CD2BP2: variants seen among roughly 807,000 people sequenced by gnomAD.
CD2BP2 encodes the protein CD2 antigen cytoplasmic tail-binding protein 2.
A neutral mutation model predicts 35.9 loss-of-function variants in CD2BP2; 27 were observed. The observed-to-expected ratio is 0.75, with a 90% confidence interval of 0.55 to 1.04. The LOEUF (loss-of-function observed/expected upper bound fraction) is 1.04, where lower values mean the gene tolerates loss of function less well. Among genes scored for constraint, CD2BP2 ranks in the 50% least tolerant of loss-of-function variants. The pLI, the probability that CD2BP2 is intolerant of heterozygous loss-of-function variation, is 0.00. For synonymous variants in CD2BP2, 213 were observed against 173.5 expected (o/e 1.23, Z -1.79); for missense variants, 497 against 444.3 (o/e 1.12, Z -1.07).
rs550556294 is a variant in CD2BP2, at chr16:30,355,303, G to A, written c.-118C>T. Reference sequence around the variant, plus strand: ...ACCCGGCCGCCATCACCCGGAAGAGGACTGCGGAAGGCGCCCGGGAAGCCC... The same window carrying A: ...ACCCGGCCGCCATCACCCGGAAGAGAACTGCGGAAGGCGCCCGGGAAGCCC... On this transcript the variant is annotated 5_prime_UTR_variant, in exon 1 of 7. Transcript: ENST00000305596. The A allele has an allele frequency of 1.8e-3, 268 of 152,500 alleles. 4 individuals are homozygous for A. The highest frequency in any genetic ancestry group is 2.7e-3 in the Admixed American group (41 of 15,314). The allele number at this position is 152,500 out of a possible 1,614,324, so 9.4% of individuals were successfully genotyped here.
chr16:30,354,109 G>C, intron 3 of CD2BP2, 51 bp from the exon 4 acceptor site: 1 of 1,613,026 alleles, frequency 6.2e-7, no homozygotes, highest in Non-Finnish European at 8.5e-7. Flanking sequence ...AAAGAGACCG[G>C]AGCCTCCCTC....
At position 30,353,486 on chromosome 16, in the gene CD2BP2, C is replaced by T; in HGVS notation, c.690G>A (p.Lys230=). The change falls in exon 5 of 7, where the codon AAG becomes AAA. Residue 230 remains lysine, a synonymous_variant. Coordinates refer to ENST00000305596, the MANE Select transcript of CD2BP2 (RefSeq NM_006110.3). ...GTCCTAGGGTCTGACACCCCAAACC[C>T]TTCAGACGCATAGCCAACCGTTCCC... ...ETRERLAMRL[K]GLGCQTLGPH... is the part of the protein sequence containing the mutation. 1 of 1,614,176 alleles carries T rather than the reference C, an allele frequency of 6.2e-7. No homozygotes were observed. Among genetic ancestry groups the T allele is most frequent in the South Asian group, 1.1e-5 (1 of 91,088 alleles).
At position 30,354,629 on chromosome 16, in the gene CD2BP2, T is replaced by A; in HGVS notation, c.53A>T (p.Asp18Val). ...FQGVGDEEDE[D>V]EIIVPKKKLV... is the part of the protein sequence containing the mutation. Reference sequence around the variant, plus strand: ...CTTCTTCTTGGGGACAATGATTTCATCCTCATCCTCCTCATCTCCCACGCC... The same window carrying A: ...CTTCTTCTTGGGGACAATGATTTCAACCTCATCCTCCTCATCTCCCACGCC... The change falls in exon 2 of 7, where the codon GAT becomes GTT. Residue 18 changes from aspartate to valine, a missense_variant. Asp to Val is a radical substitution (Grantham distance 152). Transcript: ENST00000305596. 6.2e-7 allele frequency: 1 copy of A among 1,613,926 alleles called. No homozygotes were observed. The highest frequency in any genetic ancestry group is 8.5e-7 in the Non-Finnish European group (1 of 1,179,970).
rs774687483 is a variant in CD2BP2, at chr16:30,353,384, G to A, written c.792C>T (p.Thr264=). Reference sequence around the variant, plus strand: ...CAAGCTCACCTCCTCTCTGGGTAGGGGTTGGGGTCTCCAGTTCCTCCTCCG... The same window carrying A: ...CAAGCTCACCTCCTCTCTGGGTAGGAGTTGGGGTCTCCAGTTCCTCCTCCG... ...ELAEEELETP[T]PTQRGEAESR... The change falls in exon 5 of 7, where the codon ACC becomes ACT. Residue 264 remains threonine, a synonymous_variant. Transcript: ENST00000305596. 4 of 1,614,062 alleles carry A rather than the reference G, an allele frequency of 2.5e-6. No individual in the cohort carries two copies. Among genetic ancestry groups the A allele is most frequent in the Non-Finnish European group, 3.4e-6 (4 of 1,179,946 alleles).
At position 30,352,122 on chromosome 16, in the gene CD2BP2, T is replaced by C. The variant is rs2049487044; in HGVS notation, c.*863A>G. On this transcript the variant is annotated 3_prime_UTR_variant, in exon 7 of 7. Coordinates refer to ENST00000305596, the MANE Select transcript of CD2BP2 (RefSeq NM_006110.3). ...AGCTACCTCAGTTTCCTCAAGGCAC[T>C]AGCCCTGTGCCAGGCACATAGTGGG... 2 of 152,414 alleles carry C rather than the reference T, an allele frequency of 1.3e-5. No individual in the cohort carries two copies. The highest frequency in any genetic ancestry group is 4.1e-4 in the South Asian group (2 of 4,836). 9.4% of individuals were successfully genotyped at this position (152,414 alleles called of 1,614,324 possible). A position where few individuals can be genotyped will look rare whatever the true frequency, so the allele number is the denominator to read the frequency against.
At chr16:30,354,128 C>A (rs1407439752) in intron 3 of CD2BP2, 56 bp downstream of exon 3, 1 of 1,612,872 alleles carries the variant, frequency 6.2e-7, no homozygotes, top group Non-Finnish European at 8.5e-7. Flanking sequence ...TCGCTCCACA[C>A]CACCAGAGGC....
Position 30,353,433 on chromosome 16 carries a change from A to G in CD2BP2, c.743T>C (p.Leu248Pro). ...GPHNPTPPPS[L>P]DMFAEELAEE... Reference sequence around the variant, plus strand: ...CGCCAACTCCTCAGCGAACATGTCCAGGGAGGGTGGGGGTGTGGGATTGTG... The same window carrying G: ...CGCCAACTCCTCAGCGAACATGTCCGGGGAGGGTGGGGGTGTGGGATTGTG... Residue 248 changes from leucine (L) to proline (P), a missense_variant, in exon 5 of 7, where the codon CTG becomes CCG. By Grantham distance (98) the Leu-to-Pro change is moderately conservative. Transcript: ENST00000305596. 6.2e-7 allele frequency: 1 copy of G among 1,612,556 alleles called. No homozygotes were observed.
In CD2BP2 at chr16:30,352,653, C is replaced by T. The variant is rs1344773425; in HGVS notation, c.*332G>A. ...ACCTAAGAGGAATCGAACAAGAAAC[C>T]TGGGAGAGGAGCACAGAGCAGCGCA... On this transcript the variant is annotated 3_prime_UTR_variant, in exon 7 of 7. Coordinates refer to ENST00000305596, the MANE Select transcript of CD2BP2 (RefSeq NM_006110.3). 3.5e-6 allele frequency: 1 copy of T among 288,290 alleles called. No homozygotes were observed. Among genetic ancestry groups the T allele is most frequent in the East Asian group, 7.3e-5 (1 of 13,680 alleles). 17.9% of individuals were successfully genotyped at this position (288,290 alleles called of 1,614,324 possible). A position where few individuals can be genotyped will look rare whatever the true frequency, so the allele number is the denominator to read the frequency against.
Position 30,354,747 on chromosome 16 carries a change from G to A in CD2BP2, c.-26-40C>T, listed in dbSNP as rs1004096786. On this transcript the variant is annotated intron_variant, in intron 1 of 6. Coordinates refer to ENST00000305596, the MANE Select transcript of CD2BP2 (RefSeq NM_006110.3). Reference sequence around the variant, plus strand: ...CAGAGGAAGGGAACCGGGTGAGGAGGGGACTCGCCAACAGACGCAGCACAG... The same window carrying A: ...CAGAGGAAGGGAACCGGGTGAGGAGAGGACTCGCCAACAGACGCAGCACAG... 7 of 1,387,866 alleles carry A rather than the reference G, an allele frequency of 5.0e-6. No individual in the cohort carries two copies. The Admixed American group carries it at 6.7e-5, about 13-fold the overall frequency. The allele number at this position is 1,387,866 out of a possible 1,614,324, so 86.0% of individuals were successfully genotyped here.
chr16:30,354,079 C>T (rs1425770771), intron 3 of CD2BP2, 21 bp from the exon 4 acceptor site: 2 of 1,613,644 alleles, frequency 1.2e-6, no homozygotes, highest in Non-Finnish European at 1.7e-6. Context: ...GACACAGGTG[C>T]CCTTTTCCAG....
chr16:30,353,590 G>A lies in CD2BP2; in HGVS notation c.586C>T (p.Pro196Ser), dbSNP rs755673830. 1.9e-6 allele frequency: 3 copies of A among 1,614,040 alleles called. No homozygotes were observed. Among genetic ancestry groups the A allele is most frequent in the Non-Finnish European group, 2.5e-6 (3 of 1,179,938 alleles). ...GRKGPGQPSS[P>S]QRLDRLSGLA... ...CCGGAGAGCCGGTCCAGGCGCTGAGGGGAACTGGGTTGCCCAGGCCCCTTT... is the reference window on the plus strand; with the variant it reads ...CCGGAGAGCCGGTCCAGGCGCTGAGAGGAACTGGGTTGCCCAGGCCCCTTT... Residue 196 changes from proline (P) to serine (S), a missense_variant, in exon 5 of 7, where the codon CCT becomes TCT. By Grantham distance (74) the Pro-to-Ser change is moderately conservative. Coordinates refer to ENST00000305596, the MANE Select transcript of CD2BP2 (RefSeq NM_006110.3).
chr16:30,353,941 T>C lies in CD2BP2; in HGVS notation c.335A>G (p.Asp112Gly). 9.9e-6 allele frequency: 16 copies of C among 1,614,140 alleles called. No homozygotes were observed. Among genetic ancestry groups the C allele is most frequent in the Non-Finnish European group, 1.4e-5 (16 of 1,180,028 alleles). ...CAGCCAGCTGTCTCGGATCTGAGCA[T>C]CCCGGTTCAGGAAGTAGTTGCCATC... ...DADGNYFLNR[D>G]AQIRDSWLDN... The change falls in exon 4 of 7, where the codon GAT becomes GGT. Residue 112 changes from aspartate to glycine, a missense_variant. Asp to Gly is a moderately conservative substitution (Grantham distance 94, BLOSUM62 -1). Transcript: ENST00000305596.
intron 2 of CD2BP2, 132 bp from the exon 3 acceptor site, chr16:30,354,454 C>G: frequency 2.9e-6 from 4 of 1,368,488 alleles, no homozygotes; most frequent in Non-Finnish European, 4.0e-6. Context: ...TCAGGAGCCA[C>G]ACTAAAGACG....
chr16:30,354,010 G>A lies in CD2BP2; in HGVS notation c.266C>T (p.Pro89Leu), dbSNP rs2049510424. 3 of 1,614,138 alleles carry A rather than the reference G, an allele frequency of 1.9e-6. No individual in the cohort carries two copies. Among genetic ancestry groups the A allele is most frequent in the Non-Finnish European group, 2.5e-6 (3 of 1,180,022 alleles). Reference protein sequence around the residue: ...LPSEGGVRITPFNLQEEMEEG... With the variant: ...LPSEGGVRITLFNLQEEMEEG... Reference sequence around the variant, plus strand: ...CTCCATCTCCTCCTGCAGGTTAAAGGGTGTGATCCGAACACCCCCCTCGCT... The same window carrying A: ...CTCCATCTCCTCCTGCAGGTTAAAGAGTGTGATCCGAACACCCCCCTCGCT... Residue 89 changes from proline (P) to leucine (L), a missense_variant, in exon 4 of 7, where the codon CCC becomes CTC. Coordinates refer to ENST00000305596, the MANE Select transcript of CD2BP2 (RefSeq NM_006110.3).
rs2049509625 is a variant in CD2BP2 at position 30,353,934 on chromosome 16, C to G, written c.342G>C (p.Gln114His). 3 of 1,614,056 alleles carry G rather than the reference C, an allele frequency of 1.9e-6. No homozygotes were observed. The highest frequency in any genetic ancestry group is 1.7e-5 in the Admixed American group (1 of 60,008). ...DGNYFLNRDA[Q>H]IRDSWLDNID... ...TGTTGTCCAGCCAGCTGTCTCGGAT[C>G]TGAGCATCCCGGTTCAGGAAGTAGT... is the stretch of plus-strand genomic sequence containing the variant. The change falls in exon 4 of 7, where the codon CAG becomes CAC. Residue 114 changes from glutamine to histidine, a missense_variant. Coordinates refer to ENST00000305596, the MANE Select transcript of CD2BP2 (RefSeq NM_006110.3).
intron 1 of CD2BP2, chr16:30,354,949 G>A (rs2049523405): frequency 2.2e-6 from 1 of 460,310 alleles, no homozygotes; most frequent in South Asian, 2.4e-5. Flanking sequence ...CTGGCTGAAA[G>A]GAGACAGGCT....
Position 30,353,555 on chromosome 16 carries a change from G to C in CD2BP2, c.621C>G (p.Asp207Glu), listed in dbSNP as rs1407024750. Residue 207 changes from aspartate (D) to glutamate (E), a missense_variant, in exon 5 of 7, where the codon GAC becomes GAG. Physicochemically the swap from Asp to Glu is conservative, Grantham distance 45. Coordinates refer to ENST00000305596, the MANE Select transcript of CD2BP2 (RefSeq NM_006110.3). ...QRLDRLSGLA[D>E]QMVARGNLGV... ...CAAGGTTGCCCCGGGCCACCATCTG[G>C]TCGGCCAACCCGGAGAGCCGGTCCA... The C allele has an allele frequency of 3.7e-6, 6 of 1,614,190 alleles. No homozygotes were observed. The highest frequency in any genetic ancestry group is 5.1e-6 in the Non-Finnish European group (6 of 1,180,032).
rs1400001246 is a variant in CD2BP2, at chr16:30,353,745, T to C, written c.431A>G (p.Glu144Gly). 7 of 1,609,394 alleles carry C rather than the reference T, an allele frequency of 4.3e-6. No homozygotes were observed. The highest frequency in any genetic ancestry group is 5.9e-6 in the Non-Finnish European group (7 of 1,177,736). ...GQRQASDSEE[E>G]DSLGQTSMSA... ...CATTGAGGTCTGGCCCAAGCTGTCC[T>C]CCTCCTCCGAGTCTGAGGCCTGGCG... The change falls in exon 5 of 7, where the codon GAG becomes GGG. Residue 144 changes from glutamate (E) to glycine (G), a missense_variant. Transcript: ENST00000305596.
In CD2BP2 at chr16:30,354,389, C is replaced by G; in HGVS notation, c.79-67G>C. On this transcript the variant is annotated intron_variant, in intron 2 of 6. Transcript: ENST00000305596. Reference sequence around the variant, plus strand: ...GCTACCTCCCCAAATACTTCCGGATCTGGACCCAAATATTCCCCAAATATT... The same window carrying G: ...GCTACCTCCCCAAATACTTCCGGATGTGGACCCAAATATTCCCCAAATATT... 3 of 1,548,712 alleles carry G rather than the reference C, an allele frequency of 1.9e-6. No individual in the cohort carries two copies. The South Asian group carries it at 3.6e-5, about 19-fold the overall frequency.
Sources: gnomAD v4.1 joint callset for allele counts on GRCh38, gnomAD v4.1.1 for gene constraint, MANE v1.5 for transcripts, NCBI Gene and HGNC (gene_info 2026-07-23, HGNC 2026-07-21) for gene names.